The following FBXO31 variants were observed in gnomAD, a reference collection of about 807,000 sequenced individuals.
The protein encoded by FBXO31 is F-box only protein 31.
In FBXO31, 24 loss-of-function variants were observed where a neutral mutation model predicts 54.4. The observed-to-expected ratio is 0.44, with a 90% confidence interval of 0.32 to 0.62. The LOEUF (loss-of-function observed/expected upper bound fraction) is 0.62. FBXO31 is among the 20% of genes least tolerant of loss of function. FBXO31 has a pLI of 0.05. For missense variants in FBXO31, 665 were observed against 787.1 expected, an observed-to-expected ratio of 0.84 and a Z score of 1.86; for synonymous variants, 388 against 335.6, an observed-to-expected ratio of 1.16 and a Z score of -1.71.
chr16:87,338,257 C>T lies in FBXO31; in HGVS notation c.733-1993G>A, dbSNP rs1181045689. The stretch of plus-strand genomic sequence containing the variant: ...ACAAGAAAAAAAAAAAAACAGGGAG[C>T]CCAGGACATGCACGACAACGATCAA... On this transcript the variant is annotated intron_variant, in intron 5 of 8. Transcript: ENST00000311635. The surrounding 1 kb of genome is among the most constrained non-coding windows in gnomAD (Gnocchi z 4.3). Among the ~76,000 whole-genome samples the T allele has an allele frequency of 6.6e-6, 1 of 151,780 alleles. No homozygotes were observed. Among genetic ancestry groups the T allele is most frequent in the African/African-American group, 2.4e-5 (1 of 41,300 alleles).
chr16:87,337,634 G>A (rs1050323445), intron 5 of FBXO31, among the ~76,000 whole-genome samples: 2 of 152,322 alleles, frequency 1.3e-5, no homozygotes, highest in African/African-American at 4.8e-5. Flanking sequence ...CCAGCTGCCT[G>A]ATTGCAGCGG....
intron 5 of FBXO31, among the ~76,000 whole-genome samples, chr16:87,340,371 A>G (rs1443566176): frequency 6.6e-6 from 1 of 152,248 alleles, no homozygotes; most frequent in Non-Finnish European, 1.5e-5. Context: ...AAGTCCAGAA[A>G]TGAACCAAGT....
rs934515154 is a variant in FBXO31 at position 87,360,677 on chromosome 16, G to T, written c.341-311C>A. On this transcript the variant is annotated intron_variant, in intron 1 of 8. Transcript: ENST00000311635. ...CAGACAATCCCTAGTTTATGAACAA[G>T]GTGAGGCAGAATTCAGTTGTCTGGA... 3.3e-5 allele frequency among the ~76,000 whole-genome samples: 5 copies of T among 152,242 alleles called. 1 individual carries two copies. The highest frequency in any genetic ancestry group is 1.2e-4 in the African/African-American group (5 of 41,466).
Position 87,327,842 on chromosome 16 carries a change from G to A in FBXO31, c.*3446C>T, listed in dbSNP as rs898884986. 3.9e-5 allele frequency: 6 copies of A among 152,154 alleles called. No homozygotes were observed. The highest frequency in any genetic ancestry group is 1.4e-4 in the African/African-American group (6 of 41,426). 9.4% of individuals were successfully genotyped at this position (152,154 alleles called of 1,614,324 possible). On this transcript the variant is annotated 3_prime_UTR_variant, in exon 9 of 9. Coordinates refer to ENST00000311635, the MANE Select transcript of FBXO31 (RefSeq NM_024735.5). ...AGTTTTATTCTCAGGACAGGTGATG[G>A]TTCTATGAGCACATTCCCGTAAGTG... is the stretch of plus-strand genomic sequence containing the variant.
At position 87,329,868 on chromosome 16, in the gene FBXO31, T is replaced by TA. The variant is rs11483261; in HGVS notation, c.*1419dup. On this transcript the variant is annotated 3_prime_UTR_variant, in exon 9 of 9. Coordinates refer to ENST00000311635, the MANE Select transcript of FBXO31 (RefSeq NM_024735.5). The stretch of plus-strand genomic sequence containing the variant: ...ACTGAGGCTGGGCAATGGGAATTCT[T>TA]ATGTTCTTTAAAGGCCAGTCAAGGA... 7,632 of 152,322 alleles carry TA rather than the reference T, an allele frequency of 0.05. 633 individuals are homozygous for TA. Among genetic ancestry groups the TA allele is most frequent in the African/African-American group, 0.17 (7,222 of 41,552 alleles). 9.4% of individuals were successfully genotyped at this position (152,322 alleles called of 1,614,324 possible).
intron 1 of FBXO31, among the ~76,000 whole-genome samples, chr16:87,377,411 A>C (rs1690817671): frequency 6.6e-6 from 1 of 152,116 alleles, no homozygotes; most frequent in Non-Finnish European, 1.5e-5. Flanking sequence ...GCGCCACTAC[A>C]CTCCAACCTG....
chr16:87,386,979 G>A (rs1355068065), upstream of FBXO31, among the ~76,000 whole-genome samples: 1 of 152,102 alleles, frequency 6.6e-6, no homozygotes, highest in East Asian at 1.9e-4. Context: ...GTTGTGGAAG[G>A]ATGGAATTAG....
chr16:87,347,066 G>C, intron 3 of FBXO31, 108 bp downstream of exon 3: 1 of 968,828 alleles, frequency 1.0e-6, no homozygotes, highest in Non-Finnish European at 1.6e-6. Context: ...TACCTCAAAC[G>C]CACATCTGGG....
intron 3 of FBXO31, among the ~76,000 whole-genome samples, chr16:87,344,039 A>C (rs559011870): frequency 3.1e-4 from 47 of 152,354 alleles, no homozygotes; most frequent in African/African-American, 1.1e-3. Flanking sequence ...TCCCAACAGG[A>C]AAGAGTGAAC....
In FBXO31 at chr16:87,329,785, T is replaced by A. The variant is rs1332138553; in HGVS notation, c.*1503A>T. On this transcript the variant is annotated 3_prime_UTR_variant, in exon 9 of 9. Transcript: ENST00000311635. ...TCTCCCAGGCCGGCCAGATTACCAT[T>A]TAGGAACCTTTGCCAATTCTCTGAC... 1 of 152,232 alleles carries A rather than the reference T, an allele frequency of 6.6e-6. No homozygotes were observed. The highest frequency in any genetic ancestry group is 1.9e-4 in the East Asian group (1 of 5,194). 9.4% of individuals were successfully genotyped at this position (152,232 alleles called of 1,614,324 possible). A position where few individuals can be genotyped will look rare whatever the true frequency, so the allele number is the denominator to read the frequency against.
At chr16:87,369,914 G>A (rs1038976188) in intron 1 of FBXO31, among the ~76,000 whole-genome samples, 4 of 152,082 alleles carry the variant, frequency 2.6e-5, no homozygotes, top group Non-Finnish European at 5.9e-5. Context: ...TTGCCAAGAG[G>A]AACAAAACAG....
At position 87,331,434 on chromosome 16, in the gene FBXO31, C is replaced by T. The variant is rs1904853399; in HGVS notation, c.1474G>A (p.Asp492Asn). 1 of 1,613,740 alleles carries T rather than the reference C, an allele frequency of 6.2e-7. No individual in the cohort carries two copies. Among genetic ancestry groups the T allele is most frequent in the Non-Finnish European group, 8.5e-7 (1 of 1,179,978 alleles). Reference protein sequence around the residue: ...ERTPGVFILFDEDRFGFVWLE... With the variant: ...ERTPGVFILFNEDRFGFVWLE... ...CAGACGAACCCGAAGCGGTCCTCAT[C>T]GAAGAGGATGAAGACCCCGGGGGTG... Residue 492 changes from aspartate to asparagine, a missense_variant, in exon 9 of 9, where the codon GAT becomes AAT. Asp to Asn is a conservative substitution (Grantham distance 23). This residue lies in a region of FBXO31 where 71 missense variants were observed against 105.8 expected (regional missense o/e 0.67). Coordinates refer to ENST00000311635, the MANE Select transcript of FBXO31 (RefSeq NM_024735.5).
intron 1 of FBXO31, among the ~76,000 whole-genome samples, chr16:87,382,800 T>C (rs1907140497): frequency 6.6e-6 from 1 of 152,054 alleles, no homozygotes; most frequent in South Asian, 2.1e-4. Flanking sequence ...GCCCGGCTAA[T>C]TTTTGTATTT....
intron 1 of FBXO31, among the ~76,000 whole-genome samples, chr16:87,364,931 C>T (rs1906288271): frequency 6.9e-6 from 1 of 144,094 alleles, no homozygotes; most frequent in African/African-American, 2.6e-5. Flanking sequence ...CATCTGAGTC[C>T]AGGAGGTCGA....
chr16:87,380,296 CAAAAAA>C (rs71156230), intron 1 of FBXO31, among the ~76,000 whole-genome samples: 2 of 97,804 alleles, frequency 2.0e-5, no homozygotes, highest in East Asian at 2.6e-4. Flanking sequence ...GACTCCGTCT[CAAAAAA>C]AAAAAAAAAA....
intron 2 of FBXO31, among the ~76,000 whole-genome samples, chr16:87,349,951 C>T (rs1439347604): frequency 6.6e-6 from 1 of 151,756 alleles, no homozygotes; most frequent in African/African-American, 2.4e-5. Flanking sequence ...GCAGCACATA[C>T]ACAGTCACTG....
At chr16:87,360,870 C>G (rs1294663953) in intron 1 of FBXO31, among the ~76,000 whole-genome samples, 3 of 152,160 alleles carry the variant, frequency 2.0e-5, no homozygotes, top group Non-Finnish European at 4.4e-5. Context: ...AACATTGTCC[C>G]TTCTCCACTG....
rs1401683148 is a variant in FBXO31 at position 87,345,218 on chromosome 16, C to G, written c.490-1453G>C. Among the ~76,000 whole-genome samples, 1 of 152,152 alleles carries G rather than the reference C, an allele frequency of 6.6e-6. No individual in the cohort carries two copies. The highest frequency in any genetic ancestry group is 6.5e-5 in the Admixed American group (1 of 15,278). ...CACCGGATTTTCAACACAGCAAGAA[C>G]GATGGCAACAGTGACACCTCAGGGG... On this transcript the variant is annotated intron_variant, in intron 3 of 8. Transcript: ENST00000311635. This position sits in a 1 kb window ranked among gnomAD's most constrained non-coding sequence, Gnocchi z 4.9.
At chr16:87,351,687 G>C (rs140949155) in intron 2 of FBXO31, among the ~76,000 whole-genome samples, 2,097 of 152,250 alleles carry the variant, frequency 0.014, 31 homozygotes, top group Middle Eastern at 0.031. Flanking sequence ...TGGCCAACAT[G>C]GTGAAATCCC....
Sources: allele counts gnomAD v4.1 joint callset (sites outside exome capture counted in the v4.1 genomes callset), GRCh38; gene constraint gnomAD v4.1.1; regional missense constraint gnomAD v4.1.1; non-coding constraint Gnocchi (gnomAD v3.1); transcripts MANE v1.5; gene names NCBI Gene and HGNC (gene_info 2026-07-23, HGNC 2026-07-21).